JPH3: variants seen among roughly 807,000 people sequenced by gnomAD.
JPH3 encodes the protein junctophilin-3.
A neutral mutation model predicts 59.6 loss-of-function variants in JPH3; 11 were observed. The ratio of observed to expected loss-of-function variants is 0.18; its 90% CI spans 0.12 to 0.31. The LOEUF (loss-of-function observed/expected upper bound fraction) is 0.31, where lower values mean the gene tolerates loss of function less well. JPH3 is among the 10% of genes least tolerant of loss of function. The pLI is 1.00. For synonymous variants in JPH3, 673 were observed against 483.6 expected, an observed-to-expected ratio of 1.39 and a Z score of -5.14; for missense variants, 1,202 against 1,105.7, an observed-to-expected ratio of 1.09 and a Z score of -1.24.
At chr16:87,622,378 G>A (rs2031216503) in intron 1 of JPH3, among the ~76,000 whole-genome samples, 1 of 152,252 alleles carries the variant, frequency 6.6e-6, no homozygotes, top group Non-Finnish European at 1.5e-5. Flanking sequence ...TGGCTGGAGT[G>A]AGAACGGGTG....
chr16:87,627,971 C>A (rs762511558), intron 1 of JPH3, among the ~76,000 whole-genome samples: 1 of 152,212 alleles, frequency 6.6e-6, no homozygotes, highest in African/African-American at 2.4e-5. Flanking sequence ...TGAGCGTTCC[C>A]AACATCAGAG....
In JPH3 at chr16:87,616,190, TTGTGTGTG is replaced by T. The variant is rs56053716; in HGVS notation, c.382+12702_382+12709del. ...AGCAGAACAGCAACGCAATCTGGTT[TTGTGTGTG>T]TGTGTGTGTGTGTGTGTGTGTGTGT... is the stretch of plus-strand genomic sequence containing the variant. On this transcript the variant is annotated intron_variant, in intron 1 of 4. Transcript: ENST00000284262. 1.3e-3 allele frequency among the ~76,000 whole-genome samples: 149 copies of T among 116,014 alleles called. 1 individual carries two copies. Among genetic ancestry groups the T allele is most frequent in the Middle Eastern group, 4.9e-3 (1 of 206 alleles). The allele number at this position is 116,014 out of a possible 152,430, so 76.1% of individuals were successfully genotyped here.
chr16:87,615,522 C>G lies in JPH3; in HGVS notation c.382+11994C>G, dbSNP rs111959373. On this transcript the variant is annotated intron_variant, in intron 1 of 4. Transcript: ENST00000284262. The stretch of plus-strand genomic sequence containing the variant: ...AGCTTTCCCTGTTCATTTGTTTCGT[C>G]TCCTTGTGGGGAAAGCATGGCTCCC... Among the ~76,000 whole-genome samples the G allele has an allele frequency of 4.6e-5, 7 of 152,262 alleles. No individual in the cohort carries two copies. In the South Asian group the frequency reaches 1.5e-3, roughly 32 times the overall value.
At chr16:87,657,080 C>T (rs1227871512) in intron 2 of JPH3, among the ~76,000 whole-genome samples, 1 of 152,160 alleles carries the variant, frequency 6.6e-6, no homozygotes, top group Non-Finnish European at 1.5e-5. Flanking sequence ...GCGGAGGCTT[C>T]ACATAGGAAC....
At chr16:87,689,181 C>T (rs2033492244) in intron 3 of JPH3, among the ~76,000 whole-genome samples, 1 of 152,186 alleles carries the variant, frequency 6.6e-6, no homozygotes, top group Non-Finnish European at 1.5e-5. Flanking sequence ...GCAAGACTGT[C>T]CCAGCACCCT....
chr16:87,667,817 G>T (rs76756565), intron 2 of JPH3, among the ~76,000 whole-genome samples: 2,750 of 152,124 alleles, frequency 0.018, 94 homozygotes, highest in African/African-American at 0.063. Context: ...TGTTTGTTTT[G>T]TTTTGTTTTG....
chr16:87,645,580 G>C (rs978230512), intron 2 of JPH3, among the ~76,000 whole-genome samples: 2 of 152,168 alleles, frequency 1.3e-5, no homozygotes, highest in Admixed American at 1.3e-4. Context: ...TGGTGCTTTG[G>C]GGGCAGCCGC....
chr16:87,695,692 G>A (rs533961995), intron 4 of JPH3: 16 of 453,040 alleles, frequency 3.5e-5, no homozygotes, highest in East Asian at 2.8e-4. Flanking sequence ...CACCCCTGCC[G>A]TCCTGGGAGC....
chr16:87,650,847 T>C (rs1335660351), intron 2 of JPH3, among the ~76,000 whole-genome samples: 3 of 152,122 alleles, frequency 2.0e-5, no homozygotes, highest in South Asian at 4.1e-4. Context: ...TTCCAGAACA[T>C]AAAGTGCAAG....
At chr16:87,644,137 C>CA (rs1365490557) in intron 1 of JPH3, 121 bp from the exon 2 acceptor site, 53 of 1,122,872 alleles carry the variant, frequency 4.7e-5, no homozygotes, top group Non-Finnish European at 6.4e-5. Flanking sequence ...GAACCTGTCT[C>CA]AAAAAACACA....
intron 1 of JPH3, among the ~76,000 whole-genome samples, chr16:87,605,182 G>A (rs1010600542): frequency 6.6e-6 from 1 of 152,204 alleles, no homozygotes; most frequent in Non-Finnish European, 1.5e-5. Flanking sequence ...GGAGGACTGT[G>A]CAGGCCGGGC....
chr16:87,659,656 G>A (rs1044715644), intron 2 of JPH3, among the ~76,000 whole-genome samples: 3 of 151,246 alleles, frequency 2.0e-5, no homozygotes, highest in African/African-American at 7.3e-5. Flanking sequence ...TTGCTTGAAC[G>A]CAGGAGACGA....
chr16:87,622,349 C>T (rs771513750), intron 1 of JPH3, among the ~76,000 whole-genome samples: 1 of 152,226 alleles, frequency 6.6e-6, no homozygotes, highest in Non-Finnish European at 1.5e-5. Flanking sequence ...CCCAAGCCTC[C>T]GTGAGCAAGG....
Position 87,620,457 on chromosome 16 carries a change from A to AGAG in JPH3, c.382+16930_382+16932dup, listed in dbSNP as rs150066840. Among the ~76,000 whole-genome samples, 171 of 94,890 alleles carry AGAG rather than the reference A, an allele frequency of 1.8e-3. 1 individual carries two copies. The East Asian group carries it at 0.029, about 16-fold the overall frequency. The allele number at this position is 94,890 out of a possible 152,430, so 62.3% of individuals were successfully genotyped here. ...AGGGGAGGGAGAGAGAGAGAGAAGGAGAGAGAGGGAGAGAAGGAGAGAAGA... is the reference window on the plus strand; with the variant it reads ...AGGGGAGGGAGAGAGAGAGAGAAGGAGAGGAGAGAGGGAGAGAAGGAGAGAAGA... On this transcript the variant is annotated intron_variant, in intron 1 of 4. Transcript: ENST00000284262.
chr16:87,680,428 G>C (rs2033259501), intron 2 of JPH3, among the ~76,000 whole-genome samples: 1 of 152,264 alleles, frequency 6.6e-6, no homozygotes, highest in Admixed American at 6.5e-5. Flanking sequence ...CTCTGGCCCA[G>C]GAACCGGGCC....
chr16:87,693,059 T>C (rs145034526), intron 4 of JPH3, among the ~76,000 whole-genome samples: 70 of 152,328 alleles, frequency 4.6e-4, no homozygotes, highest in African/African-American at 1.3e-3. Flanking sequence ...CCCAACCAAG[T>C]TGTCATGGGG....
chr16:87,649,774 C>T (rs1267749661), intron 2 of JPH3, among the ~76,000 whole-genome samples: 2 of 104,204 alleles, frequency 1.9e-5, no homozygotes, highest in Non-Finnish European at 4.4e-5. Flanking sequence ...TGCTCAGAAC[C>T]CCAGGGTGAA....
chr16:87,675,450 C>T (rs1467035221), intron 2 of JPH3, among the ~76,000 whole-genome samples: 2 of 152,312 alleles, frequency 1.3e-5, no homozygotes, highest in East Asian at 3.9e-4. Flanking sequence ...GGGGCCTGCA[C>T]ATATCCAGCA....
chr16:87,620,566 C>T (rs186130369), intron 1 of JPH3, among the ~76,000 whole-genome samples: 74 of 148,522 alleles, frequency 5.0e-4, no homozygotes, highest in African/African-American at 1.6e-3. Context: ...AGAGGGGGAA[C>T]GTCAGTCCTG....
Sources: gnomAD v4.1 joint callset for allele counts (sites outside exome capture counted in the v4.1 genomes callset) on GRCh38, gnomAD v4.1.1 for gene constraint, MANE v1.5 for transcripts, NCBI Gene and HGNC (gene_info 2026-07-23, HGNC 2026-07-21) for gene names.